ASCC3: variants seen among roughly 807,000 people sequenced by gnomAD.
ASCC3 encodes ASC-1 complex subunit P200.
ASCC3 carries 158 observed loss-of-function variants against 256.3 expected under a neutral mutation model. The observed-to-expected ratio is 0.62, with a 90% CI of 0.54 to 0.70. ASCC3 has a LOEUF of 0.70. Among genes scored for constraint, ASCC3 ranks in the 30% least tolerant of loss-of-function variants. ASCC3 has a pLI of 0.00. For synonymous variants in ASCC3, 948 were observed against 883.4 expected, an observed-to-expected ratio of 1.07 and a Z score of -1.30; for missense variants, 2,259 against 2,626.0, an observed-to-expected ratio of 0.86 and a Z score of 3.05.
At chr6:100,653,646 G>A (rs1480152765) in intron 17 of ASCC3, among the ~76,000 whole-genome samples, 1 of 150,184 alleles carries the variant, frequency 6.7e-6, no homozygotes, top group Non-Finnish European at 1.5e-5. Context: ...GCAGTGGCGT[G>A]ATCTTGGCTC....
At chr6:100,799,862 T>G (rs1242840354) in intron 6 of ASCC3, among the ~76,000 whole-genome samples, 1 of 152,118 alleles carries the variant, frequency 6.6e-6, no homozygotes, top group East Asian at 1.9e-4. Context: ...AGGTATACAT[T>G]TCTTTTTTGA....
At chr6:100,716,259 A>ATATGCC (rs1779083499) in intron 12 of ASCC3, among the ~76,000 whole-genome samples, 1 of 151,884 alleles carries the variant, frequency 6.6e-6, no homozygotes, top group Admixed American at 6.6e-5. Flanking sequence ...TTATGCCCAC[A>ATATGCC]TATGCCCAGA....
chr6:100,632,666 AC>A (rs1200145404), intron 25 of ASCC3, among the ~76,000 whole-genome samples: 1 of 152,146 alleles, frequency 6.6e-6, no homozygotes, highest in Non-Finnish European at 1.5e-5. Flanking sequence ...CCAGAAATCA[AC>A]CCACACAAAC....
intron 8 of ASCC3, among the ~76,000 whole-genome samples, chr6:100,785,311 C>A (rs931317927): frequency 6.6e-6 from 1 of 152,052 alleles, no homozygotes; most frequent in Non-Finnish European, 1.5e-5. Flanking sequence ...AGTAAGAAAT[C>A]CCACCTAAAT....
intron 30 of ASCC3, among the ~76,000 whole-genome samples, chr6:100,617,796 C>T (rs142435205): frequency 3.7e-4 from 56 of 152,324 alleles, no homozygotes; most frequent in East Asian, 2.9e-3. Context: ...TCTCAGTGAC[C>T]TGTGCCAGTT....
intron 36 of ASCC3, among the ~76,000 whole-genome samples, chr6:100,564,316 A>G (rs1359240187): frequency 6.6e-6 from 1 of 152,030 alleles, no homozygotes. Context: ...TACTCATTCT[A>G]TCTAACTGTG....
chr6:100,760,161 G>A, intron 10 of ASCC3, among the ~76,000 whole-genome samples: 1 of 152,042 alleles, frequency 6.6e-6, no homozygotes, highest in East Asian at 1.9e-4. Context: ...TTGCCTGATT[G>A]CCCTGGCCAG....
At chr6:100,831,095 C>T (rs1771596053) in intron 4 of ASCC3, among the ~76,000 whole-genome samples, 2 of 151,900 alleles carry the variant, frequency 1.3e-5, no homozygotes, top group African/African-American at 4.8e-5. Context: ...TTATAAAAGA[C>T]TAAAACAGTT....
At chr6:100,754,622 A>G (rs777819032) in intron 10 of ASCC3, among the ~76,000 whole-genome samples, 3 of 152,124 alleles carry the variant, frequency 2.0e-5, no homozygotes, top group Non-Finnish European at 4.4e-5. Flanking sequence ...ACCATACTCT[A>G]GTAACTATTG....
intron 37 of ASCC3, among the ~76,000 whole-genome samples, chr6:100,519,393 G>A (rs1347488317): frequency 6.6e-6 from 1 of 152,072 alleles, no homozygotes; most frequent in Non-Finnish European, 1.5e-5. Context: ...GTGTATGAAT[G>A]TGTATACATG....
chr6:100,787,383 A>G (rs1769137390), intron 8 of ASCC3, among the ~76,000 whole-genome samples: 1 of 152,162 alleles, frequency 6.6e-6, no homozygotes, highest in Admixed American at 6.6e-5. Context: ...TTAATCATGA[A>G]AAAAATCAAA....
intron 37 of ASCC3, among the ~76,000 whole-genome samples, chr6:100,522,034 TA>T (rs746547744): frequency 6.6e-6 from 1 of 152,186 alleles, no homozygotes; most frequent in Non-Finnish European, 1.5e-5. Context: ...ATCTAAACAA[TA>T]AAAGGTTGTT....
chr6:100,517,045 C>T (rs763239506), intron 38 of ASCC3, among the ~76,000 whole-genome samples: 34 of 152,166 alleles, frequency 2.2e-4, no homozygotes, highest in Non-Finnish European at 3.5e-4. Context: ...AGGGGGTTAT[C>T]TGCCTTTCTC....
Position 100,509,483 on chromosome 6 carries a change from T to C in ASCC3, c.6512A>G (p.Gln2171Arg). 1 of 1,614,072 alleles carries C rather than the reference T, an allele frequency of 6.2e-7. No homozygotes were observed. Among genetic ancestry groups the C allele is most frequent in the Non-Finnish European group, 8.5e-7 (1 of 1,179,888 alleles). The part of the protein sequence containing the change: ...FMSDCYLGLD[Q>R]QYDIYLNVTQ... ...AACGTTGAGATAGATGTCATACTGC[T>C]GGTCCAGGCCAAGGTAGCAGTCACT... Residue 2171 changes from glutamine (Q) to arginine (R), a missense_variant, in exon 42 of 42, where the codon CAG (glutamine) becomes CGG (arginine). Coordinates refer to ENST00000369162, the MANE Select transcript of ASCC3 (RefSeq NM_006828.4).
At chr6:100,850,015 G>A (rs1007749768) in intron 3 of ASCC3, among the ~76,000 whole-genome samples, 11 of 144,474 alleles carry the variant, frequency 7.6e-5, no homozygotes, top group African/African-American at 2.5e-4. Context: ...CAGGAGGACC[G>A]CTTGAACCTA....
intron 10 of ASCC3, among the ~76,000 whole-genome samples, chr6:100,739,520 G>C (rs956979620): frequency 6.6e-6 from 1 of 152,038 alleles, no homozygotes; most frequent in Non-Finnish European, 1.5e-5. Context: ...AATGGTATCA[G>C]CTCTTTGTAC....
chr6:100,700,341 G>A (rs889767761), intron 13 of ASCC3, among the ~76,000 whole-genome samples: 4 of 152,120 alleles, frequency 2.6e-5, no homozygotes, highest in Non-Finnish European at 5.9e-5. Context: ...CTAGATATCC[G>A]ATGATGTATG....
At chr6:100,767,431 TGTTTTTTAAAAAAAAG>T (rs1004289452) in intron 8 of ASCC3, 86 bp from the exon 9 acceptor site, 3 of 1,378,790 alleles carry the variant, frequency 2.2e-6, no homozygotes, top group Admixed American at 3.6e-5. Context: ...TTATTTCCTT[TGTTTTTTAAAAAAAAG>T]ACTAATTTGT....
chr6:100,878,173 C>T (rs1769082282), intron 1 of ASCC3, among the ~76,000 whole-genome samples: 1 of 152,216 alleles, frequency 6.6e-6, no homozygotes, highest in Non-Finnish European at 1.5e-5. Flanking sequence ...TTAGGAAACA[C>T]ATCTGAAGCA....
Sources: gnomAD v4.1 joint callset for allele counts (sites outside exome capture counted in the v4.1 genomes callset) on GRCh38, gnomAD v4.1.1 for gene constraint, MANE v1.5 for transcripts, NCBI Gene and HGNC (gene_info 2026-07-23, HGNC 2026-07-21) for gene names.